Variants in INPP5A observed in about 807,000 individuals in gnomAD.
INPP5A encodes the protein 43 kDa inositol polyphosphate 5-phophatase.
INPP5A carries 14 observed loss-of-function variants against 65.2 expected under a neutral mutation model. The ratio of observed to expected loss-of-function variants is 0.21; its 90% CI spans 0.14 to 0.34. The LOEUF is 0.34. Among genes scored for constraint, INPP5A ranks in the 10% least tolerant of loss-of-function variants. The pLI is 1.00. For synonymous variants in INPP5A, 207 were observed against 208.3 expected (o/e 0.99, Z 0.05); for missense variants, 431 against 545.6 (o/e 0.79, Z 2.09).
chr10:132,734,183 A>G (rs536967162), intron 9 of INPP5A, among the ~76,000 whole-genome samples: 10 of 152,212 alleles, frequency 6.6e-5, no homozygotes, highest in Admixed American at 5.9e-4. Flanking sequence ...GATGCCAGCT[A>G]TGCTCTCGTG....
chr10:132,600,176 C>T (rs2071757552), intron 1 of INPP5A, among the ~76,000 whole-genome samples: 1 of 152,332 alleles, frequency 6.6e-6, no homozygotes, highest in African/African-American at 2.4e-5. Flanking sequence ...ATTCAGGCTT[C>T]AAATTTTCCA....
At chr10:132,708,582 C>T (rs1437800360) in intron 7 of INPP5A, 2 of 683,862 alleles carry the variant, frequency 2.9e-6, no homozygotes, top group South Asian at 1.5e-5. Flanking sequence ...ATCTGGGTGC[C>T]CAGTGCCAAT....
At chr10:132,712,959 G>A (rs544349189) in intron 8 of INPP5A, among the ~76,000 whole-genome samples, 14 of 149,596 alleles carry the variant, frequency 9.4e-5, no homozygotes, top group Admixed American at 2.0e-4. Context: ...TGGGTGTGTG[G>A]GTGCATGTGG....
intron 9 of INPP5A, among the ~76,000 whole-genome samples, chr10:132,747,890 AT>A (rs1272050216): frequency 6.6e-6 from 1 of 152,066 alleles, no homozygotes; most frequent in African/African-American, 2.4e-5. Context: ...CTCTACAAAA[AT>A]TTAGAAAATT....
intron 11 of INPP5A, among the ~76,000 whole-genome samples, chr10:132,760,916 G>A (rs928932379): frequency 1.3e-5 from 2 of 152,238 alleles, no homozygotes; most frequent in Non-Finnish European, 2.9e-5. Flanking sequence ...CTGTAAACGC[G>A]GGGAGAGGGA....
chr10:132,729,939 G>T (rs1040999498), intron 9 of INPP5A, among the ~76,000 whole-genome samples: 1 of 152,182 alleles, frequency 6.6e-6, no homozygotes, highest in Non-Finnish European at 1.5e-5. Context: ...GCAGCTGCTC[G>T]AGCGGCTGGT....
At position 132,645,850 on chromosome 10, in the gene INPP5A, G is replaced by C; in HGVS notation, c.118-18G>C. ...GGACGGCTCCGACGACCCTGACAGT[G>C]TGCTTCTCTCCCTCCAGGTCGTGCA... On this transcript the variant is annotated intron_variant, in intron 2 of 15. Coordinates refer to ENST00000368594, the MANE Select transcript of INPP5A (RefSeq NM_005539.5). 2 of 1,599,178 alleles carry C rather than the reference G, an allele frequency of 1.3e-6. No individual in the cohort carries two copies. The highest frequency in any genetic ancestry group is 1.7e-6 in the Non-Finnish European group (2 of 1,169,064).
intron 4 of INPP5A, among the ~76,000 whole-genome samples, chr10:132,652,408 T>G (rs1160619014): frequency 6.6e-6 from 1 of 152,210 alleles, no homozygotes; most frequent in Non-Finnish European, 1.5e-5. Flanking sequence ...TGCTTACAGA[T>G]GTCATGGCTC....
chr10:132,750,382 C>T (rs914122791), intron 11 of INPP5A, among the ~76,000 whole-genome samples: 1 of 152,158 alleles, frequency 6.6e-6, no homozygotes, highest in South Asian at 2.1e-4. Context: ...TAAACAAGTG[C>T]GTGTCAATGG....
chr10:132,676,119 ATTTT>A lies in INPP5A; in HGVS notation c.307-14272_307-14269del, dbSNP rs1257567529. Among the ~76,000 whole-genome samples the A allele has an allele frequency of 6.6e-6, 1 of 152,242 alleles. No homozygotes were observed. Among genetic ancestry groups the A allele is most frequent in the Non-Finnish European group, 1.5e-5 (1 of 68,026 alleles). ...ACAAATTTCATAATTAAAACTAGTT[ATTTT>A]AAGACTGATATTTTTCTTTGTTCAT... On this transcript the variant is annotated intron_variant, in intron 4 of 15. Coordinates refer to ENST00000368594, the MANE Select transcript of INPP5A (RefSeq NM_005539.5). The surrounding 1 kb of genome is among the most constrained non-coding windows in gnomAD (Gnocchi z 4.0).
Position 132,678,415 on chromosome 10 carries a change from T to C in INPP5A, c.307-11977T>C, listed in dbSNP as rs891505034. ...TTATTACTCAATCTGTTAAATTGTT[T>C]CAAAACAAGGTGTCTTGGGACTTGC... is the stretch of plus-strand genomic sequence containing the variant. On this transcript the variant is annotated intron_variant, in intron 4 of 15. Transcript: ENST00000368594. This position sits in a 1 kb window ranked among gnomAD's most constrained non-coding sequence, Gnocchi z 4.1. Among the ~76,000 whole-genome samples the C allele has an allele frequency of 3.3e-5, 5 of 152,248 alleles. No individual in the cohort carries two copies. The highest frequency in any genetic ancestry group is 2.0e-4 in the Admixed American group (3 of 15,290).
chr10:132,616,419 G>A lies in INPP5A; in HGVS notation c.117+8463G>A, dbSNP rs1012662709. Among the ~76,000 whole-genome samples, 2 of 152,018 alleles carry A rather than the reference G, an allele frequency of 1.3e-5. No individual in the cohort carries two copies. The highest frequency in any genetic ancestry group is 2.4e-5 in the African/African-American group (1 of 41,386). ...TGTGGCGTGCGGGGACGCCGTGGGCGTGGTGTGGGATATGTGGTATTGGGA... is the reference window on the plus strand; with the variant it reads ...TGTGGCGTGCGGGGACGCCGTGGGCATGGTGTGGGATATGTGGTATTGGGA... On this transcript the variant is annotated intron_variant, in intron 2 of 15. Transcript: ENST00000368594. The surrounding 1 kb of genome is among the most constrained non-coding windows in gnomAD (Gnocchi z 4.9).
At chr10:132,612,694 C>T (rs1306657599) in intron 2 of INPP5A, among the ~76,000 whole-genome samples, 3 of 152,198 alleles carry the variant, frequency 2.0e-5, no homozygotes, top group Non-Finnish European at 2.9e-5. Flanking sequence ...GCGTGGCCCT[C>T]GGCTGTGAGG....
At chr10:132,544,350 C>T (rs540189302) in intron 1 of INPP5A, among the ~76,000 whole-genome samples, 38 of 152,320 alleles carry the variant, frequency 2.5e-4, no homozygotes, top group African/African-American at 4.6e-4. Context: ...ACCTGTGTGC[C>T]GGGCACAGAG....
At chr10:132,568,273 G>A (rs371597479) in intron 1 of INPP5A, among the ~76,000 whole-genome samples, 2 of 151,782 alleles carry the variant, frequency 1.3e-5, no homozygotes, top group African/African-American at 2.4e-5. Flanking sequence ...TGGAGGACCC[G>A]GCTAAGGGTT....
chr10:132,636,749 C>T (rs1254286725), intron 2 of INPP5A, among the ~76,000 whole-genome samples: 2 of 152,144 alleles, frequency 1.3e-5, no homozygotes, highest in Non-Finnish European at 2.9e-5. Flanking sequence ...ACGTTGAAAA[C>T]TGTTTTGTAT....
chr10:132,630,540 G>A (rs1467186110), intron 2 of INPP5A, among the ~76,000 whole-genome samples: 1 of 152,002 alleles, frequency 6.6e-6, no homozygotes, highest in South Asian at 2.1e-4. Context: ...TTTCATGAGG[G>A]AAAGATGTCC....
chr10:132,706,504 C>T lies in INPP5A; in HGVS notation c.475-1809C>T, dbSNP rs1214386139. On this transcript the variant is annotated intron_variant, in intron 6 of 15. Transcript: ENST00000368594. The surrounding 1 kb of genome is among the most constrained non-coding windows in gnomAD (Gnocchi z 4.7). The stretch of plus-strand genomic sequence containing the variant: ...GAGGAAAACATACATTCAGAGGATT[C>T]ACAGTTCGTGTGCCGGGGTGCTTCT... Among the ~76,000 whole-genome samples the T allele has an allele frequency of 6.6e-6, 1 of 152,244 alleles. No homozygotes were observed. The highest frequency in any genetic ancestry group is 1.5e-5 in the Non-Finnish European group (1 of 68,036).
chr10:132,690,319 T>G, intron 4 of INPP5A, 73 bp from the exon 5 acceptor site: 2 of 1,016,026 alleles, frequency 2.0e-6, no homozygotes, highest in South Asian at 1.3e-5. Context: ...AGAGCTTCTT[T>G]TATTGTTAAA....
Sources: allele counts gnomAD v4.1 joint callset (sites outside exome capture counted in the v4.1 genomes callset), GRCh38; gene constraint gnomAD v4.1.1; non-coding constraint Gnocchi (gnomAD v3.1); transcripts MANE v1.5; gene names NCBI Gene and HGNC (gene_info 2026-07-23, HGNC 2026-07-21).